Variants in MARK4 observed in about 807,000 individuals in gnomAD.
MARK4 encodes the protein microtubule affinity regulating kinase 4, also known as MAP/microtubule affinity-regulating kinase 4.
In MARK4, 19 loss-of-function variants were observed where a neutral mutation model predicts 81.5. The observed-to-expected ratio is 0.23, with a 90% CI of 0.16 to 0.34. The LOEUF (loss-of-function observed/expected upper bound fraction) is 0.34. MARK4 is among the 10% of genes least tolerant of loss of function. The pLI is 1.00. For synonymous variants in MARK4, 436 were observed against 439.0 expected (o/e 0.99, Z 0.08); for missense variants, 772 against 1,058.8 (o/e 0.73, Z 3.76).
intron 16 of MARK4, among the ~76,000 whole-genome samples, chr19:45,300,999 C>T (rs1320860100): frequency 6.6e-6 from 1 of 152,074 alleles, no homozygotes; most frequent in East Asian, 1.9e-4. Context: ...GTACTTCAGG[C>T]GGGACGTTTC....
intron 14 of MARK4, among the ~76,000 whole-genome samples, chr19:45,296,036 T>A (rs1970882591): frequency 6.6e-6 from 1 of 152,122 alleles, no homozygotes; most frequent in Admixed American, 6.6e-5. Flanking sequence ...ATATCTCCAT[T>A]TTACAGCTGA....
intron 2 of MARK4, among the ~76,000 whole-genome samples, chr19:45,260,093 A>G (rs1190346420): frequency 6.6e-6 from 1 of 151,852 alleles, no homozygotes; most frequent in Non-Finnish European, 1.5e-5. Context: ...TCTCAAAAAA[A>G]TAAAAAAATT....
intron 7 of MARK4, among the ~76,000 whole-genome samples, chr19:45,267,881 G>A (rs1337626632): frequency 2.0e-5 from 3 of 151,682 alleles, no homozygotes; most frequent in Non-Finnish European, 1.5e-5. Flanking sequence ...GGCTGGTCTC[G>A]AACTCCTGGG....
intron 1 of MARK4, among the ~76,000 whole-genome samples, chr19:45,253,465 G>T: frequency 6.6e-6 from 1 of 152,142 alleles, no homozygotes; most frequent in East Asian, 1.9e-4. Flanking sequence ...TCCTGCCCTG[G>T]AAAATAGGGG....
chr19:45,270,350 C>T (rs1970509664), intron 7 of MARK4, among the ~76,000 whole-genome samples: 1 of 152,162 alleles, frequency 6.6e-6, no homozygotes, highest in Non-Finnish European at 1.5e-5. Context: ...GTCGTTTCAC[C>T]TTCACGTTAT....
Position 45,297,650 on chromosome 19 carries a change from C to G in MARK4, c.1599-26C>G, listed in dbSNP as rs1359413035. The G allele has an allele frequency of 4.7e-6, 7 of 1,489,380 alleles. No individual in the cohort carries two copies. The Middle Eastern group carries it at 9.0e-4, about 192-fold the overall frequency. The allele number at this position is 1,489,380 out of a possible 1,614,324, so 92.3% of individuals were successfully genotyped here. On this transcript the variant is annotated intron_variant, in intron 14 of 16. Transcript: ENST00000262891. ...GCCCTGGCCTGCCTCAGTCCCCCAC[C>G]CTGACTTGTCTGTCTCTGCCCACAG...
rs763301711 is a variant in MARK4, at chr19:45,259,051, G to T, written c.114G>T (p.Leu38=). The change falls in exon 2 of 17, where the codon CTG becomes CTT. Residue 38 remains leucine, a synonymous_variant. Coordinates refer to ENST00000262891, the MANE Select transcript of MARK4 (RefSeq NM_001199867.2). ...GCCCGTCCTGGTCCAGCCGCTCACT[G>T]GGTGCCCGTTGCCGGAACTCCATCG... ...DKGPSWSSRS[L]GARCRNSIAS... 6.2e-7 allele frequency: 1 copy of T among 1,613,990 alleles called. No individual in the cohort carries two copies. Among genetic ancestry groups the T allele is most frequent in the Middle Eastern group, 1.7e-4 (1 of 6,034 alleles).
In MARK4 at chr19:45,298,925, A is replaced by G. The variant is rs573668803; in HGVS notation, c.1878-886A>G. Among the ~76,000 whole-genome samples, 16 of 151,916 alleles carry G rather than the reference A, an allele frequency of 1.1e-4. No homozygotes were observed. In the South Asian group the frequency reaches 3.3e-3, roughly 32 times the overall value. On this transcript the variant is annotated intron_variant, in intron 15 of 16. Transcript: ENST00000262891. ...ATCCTATCTCTACAAAAAAGTAAAT[A>G]AATTGGCCGGGCGTGGTGACTGCAC...
chr19:45,258,957 T>C (rs1274155448), intron 1 of MARK4, 32 bp from the exon 2 acceptor site: 27 of 1,600,330 alleles, frequency 1.7e-5, no homozygotes, highest in Non-Finnish European at 2.3e-5. Context: ...AAGGTGGGAT[T>C]GGATAGCTCA....
chr19:45,297,641 G>T, intron 14 of MARK4, 35 bp from the exon 15 acceptor site: 1 of 1,443,238 alleles, frequency 6.9e-7, no homozygotes, highest in Non-Finnish European at 9.3e-7. Context: ...GCCTGCCTCA[G>T]TCCCCCACCC....
chr19:45,286,451 T>C (rs1970744056), intron 12 of MARK4, among the ~76,000 whole-genome samples: 1 of 150,772 alleles, frequency 6.6e-6, no homozygotes, highest in Admixed American at 6.6e-5. Context: ...GGCTCACGCC[T>C]GTAATCCCAG....
At chr19:45,283,050 A>C (rs1273533047) in intron 12 of MARK4, among the ~76,000 whole-genome samples, 1 of 152,084 alleles carries the variant, frequency 6.6e-6, no homozygotes, top group African/African-American at 2.4e-5. Flanking sequence ...AGAGTTGTAC[A>C]TCTATCATGA....
At chr19:45,297,540 G>A (rs756052959) in intron 14 of MARK4, 136 bp from the exon 15 acceptor site, 1 of 600,246 alleles carries the variant, frequency 1.7e-6, no homozygotes. Flanking sequence ...CTGCACAACT[G>A]TACGTTGCAG....
At chr19:45,281,367 C>CTTTTTTTTTTTTTTTT (rs71173137) in intron 12 of MARK4, among the ~76,000 whole-genome samples, 1 of 132,054 alleles carries the variant, frequency 7.6e-6, no homozygotes. Flanking sequence ...TCTTTTCTTT[C>CTTTTTTTTTTTTTTTT]TTTTTTTTTT....
chr19:45,266,446 C>A (rs1291741069), intron 7 of MARK4, among the ~76,000 whole-genome samples, 165 bp downstream of exon 7: 1 of 152,012 alleles, frequency 6.6e-6, no homozygotes, highest in Non-Finnish European at 1.5e-5. Context: ...CTTTCCCAAG[C>A]TTTTGTGGCA....
chr19:45,268,575 C>T lies in MARK4; in HGVS notation c.549+2294C>T, dbSNP rs192603606. ...CTCCAGCCTGGACAACAGAGCAAGA[C>T]TCCATCTCAAAAAAAAAAAAAAGAA... is the stretch of plus-strand genomic sequence containing the variant. On this transcript the variant is annotated intron_variant, in intron 7 of 16. Transcript: ENST00000262891. Among the ~76,000 whole-genome samples, 418 of 148,750 alleles carry T rather than the reference C, an allele frequency of 2.8e-3. 5 individuals are homozygous for T. The highest frequency in any genetic ancestry group is 9.8e-3 in the African/African-American group (394 of 40,368).
rs1599810193 is a variant in MARK4, at chr19:45,303,229, A to C, written c.*519A>C. On this transcript the variant is annotated 3_prime_UTR_variant, in exon 17 of 17. Coordinates refer to ENST00000262891, the MANE Select transcript of MARK4 (RefSeq NM_001199867.2). ...GTACAAATCCTTGTAAATACCCCAC[A>C]CCCTCCCCTCTGCAAAGGTCTCTTG... The C allele has an allele frequency of 6.2e-6, 1 of 160,440 alleles. No individual in the cohort carries two copies. The highest frequency in any genetic ancestry group is 1.4e-5 in the Non-Finnish European group (1 of 73,276). The allele number at this position is 160,440 out of a possible 1,614,324, so 9.9% of individuals were successfully genotyped here. A position where few individuals can be genotyped will look rare whatever the true frequency, so the allele number is the denominator to read the frequency against.
chr19:45,280,378 G>A lies in MARK4; in HGVS notation c.1011G>A (p.Val337=). ...CTCTCCATCCCCCCCTCCCAGAGGT[G>A]ATGGTGGGTATGGGCTACACACGGG... ...EDFGDTKRIE[V]MVGMGYTREE... is the part of the protein sequence containing the mutation. The change falls in exon 11 of 17, where the codon GTG becomes GTA. Residue 337 remains valine (V), a synonymous_variant. Transcript: ENST00000262891. 7 of 1,613,972 alleles carry A rather than the reference G, an allele frequency of 4.3e-6. No individual in the cohort carries two copies. The highest frequency in any genetic ancestry group is 5.9e-6 in the Non-Finnish European group (7 of 1,179,884).
At chr19:45,261,919 G>T (rs1420118049) in intron 2 of MARK4, among the ~76,000 whole-genome samples, 1 of 148,268 alleles carries the variant, frequency 6.7e-6, no homozygotes, top group East Asian at 1.9e-4. Flanking sequence ...AGCAACAAGA[G>T]GGAAACTCTG....
Sources: allele counts gnomAD v4.1 joint callset (sites outside exome capture counted in the v4.1 genomes callset), GRCh38; gene constraint gnomAD v4.1.1; transcripts MANE v1.5; gene names NCBI Gene and HGNC (gene_info 2026-07-23, HGNC 2026-07-21).